TTBK2: variants seen among roughly 807,000 people sequenced by gnomAD.
The protein encoded by TTBK2 is tau tubulin kinase 2, also known as tau-tubulin kinase 2.
Under a neutral mutation model 110.8 loss-of-function variants are expected in TTBK2, and 28 were observed. That is an observed-to-expected ratio of 0.25 (90% confidence interval 0.19 to 0.35). The LOEUF is 0.35. Among genes scored for constraint, TTBK2 ranks in the 10% least tolerant of loss-of-function variants. The pLI is 1.00. For synonymous variants in TTBK2, 532 were observed against 527.3 expected (o/e 1.01, Z -0.12); for missense variants, 1,369 against 1,500.3 (o/e 0.91, Z 1.45).
At position 42,746,220 on chromosome 15, in the gene TTBK2, C is replaced by T. The variant is rs371341038; in HGVS notation, c.3310G>A (p.Asp1104Asn). 2.0e-5 allele frequency: 33 copies of T among 1,613,910 alleles called. No homozygotes were observed. Among genetic ancestry groups the T allele is most frequent in the East Asian group, 8.9e-5 (4 of 44,876 alleles). ...RYKVLGSSNS[D>N]SDLFSRLAQI... Reference sequence around the variant, plus strand: ...GCCAGGCGGGAGAAAAGGTCTGAGTCGGAGTTACTACTCCCTAGGACTTTA... The same window carrying T: ...GCCAGGCGGGAGAAAAGGTCTGAGTTGGAGTTACTACTCCCTAGGACTTTA... Residue 1104 changes from aspartate to asparagine, a missense_variant, in exon 15 of 15, where the codon GAC (aspartate) becomes AAC (asparagine). This residue lies in a region of TTBK2 where 1,097 missense variants were observed against 1,114.7 expected (regional missense o/e 0.98). Transcript: ENST00000267890.
chr15:42,888,721 C>T (rs764852454), intron 1 of TTBK2, among the ~76,000 whole-genome samples: 123 of 152,172 alleles, frequency 8.1e-4, no homozygotes, highest in Non-Finnish European at 1.4e-3. Flanking sequence ...TCATTGATGT[C>T]TCTTTAATAG....
intron 7 of TTBK2, among the ~76,000 whole-genome samples, chr15:42,816,074 A>C (rs1270537983): frequency 1.9e-4 from 14 of 75,510 alleles, no homozygotes; most frequent in African/African-American, 1.3e-3. Context: ...ATATATAAAA[A>C]TAAATAAATA....
intron 10 of TTBK2, among the ~76,000 whole-genome samples, chr15:42,792,369 T>G (rs1890727471): frequency 6.6e-6 from 1 of 152,208 alleles, no homozygotes; most frequent in South Asian, 2.1e-4. Context: ...TTCAAATTAC[T>G]GTGTAGTTTC....
At chr15:42,815,956 A>T (rs61258253) in intron 7 of TTBK2, among the ~76,000 whole-genome samples, 11,955 of 63,338 alleles carry the variant, frequency 0.19, 1,153 homozygotes, top group African/African-American at 0.37. Flanking sequence ...ATTTAAAAAA[A>T]AAATATATAT....
chr15:42,892,434 C>T (rs1022551871), intron 1 of TTBK2, among the ~76,000 whole-genome samples: 3 of 151,978 alleles, frequency 2.0e-5, no homozygotes, highest in East Asian at 1.9e-4. Flanking sequence ...TGGCTGGGCA[C>T]GGGGGCTCAC....
chr15:42,919,927 G>C (rs547900118), intron 1 of TTBK2: 3 of 529,152 alleles, frequency 5.7e-6, no homozygotes, highest in Non-Finnish European at 7.3e-6. Context: ...AGCAAATGAC[G>C]AGCAAATCCC....
chr15:42,800,251 T>C (rs1891127030), intron 9 of TTBK2: 1 of 427,410 alleles, frequency 2.3e-6, no homozygotes, highest in Non-Finnish European at 4.6e-6. Context: ...AACAAAAATA[T>C]ATTATTCTAA....
chr15:42,818,009 A>G (rs961029596), intron 6 of TTBK2, among the ~76,000 whole-genome samples: 1 of 152,130 alleles, frequency 6.6e-6, no homozygotes, highest in African/African-American at 2.4e-5. Context: ...TTTCTTTCTT[A>G]TAACACCTTT....
intron 2 of TTBK2, among the ~76,000 whole-genome samples, chr15:42,874,763 G>A (rs1430286462): frequency 5.9e-5 from 9 of 151,360 alleles, no homozygotes; most frequent in East Asian, 2.0e-4. Context: ...CGAGGCGGGC[G>A]GATCATGAAG....
chr15:42,792,566 G>A (rs2140857999), intron 10 of TTBK2, among the ~76,000 whole-genome samples: 1 of 152,160 alleles, frequency 6.6e-6, no homozygotes, highest in East Asian at 1.9e-4. Flanking sequence ...TCTAGCACTG[G>A]TTTTATTTAT....
chr15:42,898,310 T>C (rs1026850203), intron 1 of TTBK2, among the ~76,000 whole-genome samples: 1 of 151,976 alleles, frequency 6.6e-6, no homozygotes, highest in Non-Finnish European at 1.5e-5. Context: ...ATCCAGCACT[T>C]TGGGAGGCTG....
chr15:42,814,720 G>A (rs982476612), intron 7 of TTBK2, among the ~76,000 whole-genome samples: 3 of 152,198 alleles, frequency 2.0e-5, no homozygotes, highest in South Asian at 2.1e-4. Flanking sequence ...AAGCAACTGT[G>A]GAAGTTCCAA....
At chr15:42,911,961 TACACACACACAC>T (rs10545933) in intron 1 of TTBK2, among the ~76,000 whole-genome samples, 26 of 149,852 alleles carry the variant, frequency 1.7e-4, no homozygotes, top group African/African-American at 6.1e-4. Flanking sequence ...ATGAGTTAAA[TACACACACACAC>T]ACACACACAC....
intron 6 of TTBK2, among the ~76,000 whole-genome samples, chr15:42,818,694 G>T (rs1567042282): frequency 6.6e-6 from 1 of 151,384 alleles, no homozygotes. Context: ...CACTCCAGCC[G>T]GGGCGACAGA....
At position 42,817,015 on chromosome 15, in the gene TTBK2, C is replaced by G. The variant is rs115190236; in HGVS notation, c.603+17G>C. On this transcript the variant is annotated intron_variant, in intron 7 of 14. Transcript: ENST00000267890. ...TTAGCATACTTATACAGATATGACTCTAGTTCAGATACCTACCCTGTTCCG... is the reference window on the plus strand; with the variant it reads ...TTAGCATACTTATACAGATATGACTGTAGTTCAGATACCTACCCTGTTCCG... The G allele has an allele frequency of 2.2e-3, 3,503 of 1,589,112 alleles. 60 individuals carry two copies. In the African/African-American group the frequency reaches 0.04, roughly 18 times the overall value.
At chr15:42,899,519 T>C (rs1168124286) in intron 1 of TTBK2, among the ~76,000 whole-genome samples, 1 of 151,866 alleles carries the variant, frequency 6.6e-6, no homozygotes, top group Non-Finnish European at 1.5e-5. Flanking sequence ...GGCAGGCGGA[T>C]CACGAGGTCA....
intron 5 of TTBK2, 59 bp from the exon 6 acceptor site, chr15:42,828,091 A>T: frequency 7.6e-7 from 1 of 1,323,474 alleles, no homozygotes; most frequent in Non-Finnish European, 1.1e-6. Context: ...CTTACATTTT[A>T]TCATTCTTAC....
intron 13 of TTBK2, among the ~76,000 whole-genome samples, chr15:42,755,512 AC>A: frequency 6.6e-6 from 1 of 152,120 alleles, no homozygotes; most frequent in African/African-American, 2.4e-5. Context: ...AGGAAAAAAA[AC>A]ACCTAACTAA....
chr15:42,779,044 A>G (rs1025672292), intron 11 of TTBK2, among the ~76,000 whole-genome samples: 1 of 152,224 alleles, frequency 6.6e-6, no homozygotes, highest in Non-Finnish European at 1.5e-5. Flanking sequence ...AAAAGAAAAA[A>G]ACAATTAGAA....
Sources: gnomAD v4.1 joint callset for allele counts (sites outside exome capture counted in the v4.1 genomes callset) on GRCh38, gnomAD v4.1.1 for gene constraint, gnomAD v4.1.1 regional missense constraint, MANE v1.5 for transcripts, NCBI Gene and HGNC (gene_info 2026-07-23, HGNC 2026-07-21) for gene names.